NTM: variants seen among roughly 807,000 people sequenced by gnomAD.
NTM encodes the protein neurotrimin.
A neutral mutation model predicts 42.1 loss-of-function variants in NTM; 13 were observed. The observed-to-expected ratio is 0.31, with a 90% CI of 0.20 to 0.49. NTM has a LOEUF of 0.49. Among genes scored for constraint, NTM ranks in the 20% least tolerant of loss-of-function variants. The probability of loss-of-function intolerance (pLI) is 0.99; values close to 1 mark genes in which losing one functional copy is unlikely to be tolerated. For missense variants in NTM, 373 were observed against 452.8 expected (o/e 0.82, Z 1.60); for synonymous variants, 187 against 179.2 (o/e 1.04, Z -0.35).
intron 1 of NTM, among the ~76,000 whole-genome samples, chr11:131,518,043 A>G (rs978212069): frequency 6.6e-6 from 1 of 152,200 alleles, no homozygotes; most frequent in African/African-American, 2.4e-5. Flanking sequence ...AATTGTTTTC[A>G]CACGCATAAC....
At chr11:132,230,952 C>A (rs972344087) in intron 4 of NTM, among the ~76,000 whole-genome samples, 1 of 152,212 alleles carries the variant, frequency 6.6e-6, no homozygotes, top group Non-Finnish European at 1.5e-5. Context: ...GTCGAGGCTG[C>A]AGTGAGCTAT....
intron 2 of NTM, among the ~76,000 whole-genome samples, chr11:132,057,820 C>A (rs1414050014): frequency 5.9e-5 from 9 of 152,164 alleles, no homozygotes; most frequent in African/African-American, 2.2e-4. Context: ...GGGGACTTCT[C>A]TCACTGGCGC....
At chr11:132,314,848 AGAAAGAAATG>A (rs1208492855) in intron 7 of NTM, 145 bp downstream of exon 7, 11 of 1,392,952 alleles carry the variant, frequency 7.9e-6, no homozygotes, top group Middle Eastern at 2.5e-4. Flanking sequence ...AGAGAGACAC[AGAAAGAAATG>A]GAGAGAGAGG....
chr11:131,613,536 G>A (rs539558064), intron 1 of NTM, among the ~76,000 whole-genome samples: 5 of 152,210 alleles, frequency 3.3e-5, no homozygotes, highest in Admixed American at 6.5e-5. Flanking sequence ...TAAGACGGGC[G>A]CTTCTTTCAA....
intron 1 of NTM, among the ~76,000 whole-genome samples, chr11:131,490,195 G>A (rs902377095): frequency 3.9e-5 from 6 of 152,244 alleles, no homozygotes; most frequent in African/African-American, 9.6e-5. Flanking sequence ...CTCCTACCAG[G>A]CCCCACTTCT....
chr11:132,077,903 C>A (rs1361977790), intron 2 of NTM, among the ~76,000 whole-genome samples: 1 of 152,116 alleles, frequency 6.6e-6, no homozygotes, highest in East Asian at 1.9e-4. Flanking sequence ...ACCTATCCAA[C>A]AAAAAACTTT....
chr11:131,541,989 T>C (rs2053328534), intron 1 of NTM, among the ~76,000 whole-genome samples: 1 of 152,206 alleles, frequency 6.6e-6, no homozygotes, highest in Admixed American at 6.5e-5. Flanking sequence ...ATATGTGTAA[T>C]AGAAGTGCAG....
intron 2 of NTM, among the ~76,000 whole-genome samples, chr11:132,036,931 G>A (rs2076577672): frequency 6.6e-6 from 1 of 152,110 alleles, no homozygotes; most frequent in African/African-American, 2.4e-5. Flanking sequence ...GTATCCTGGG[G>A]TCAGCACTGA....
chr11:131,559,373 A>G (rs924371783), intron 1 of NTM, among the ~76,000 whole-genome samples: 1 of 152,240 alleles, frequency 6.6e-6, no homozygotes, highest in African/African-American at 2.4e-5. Context: ...GTTCTCTGGT[A>G]AAGTGATTAA....
chr11:131,520,788 C>T (rs572858315), intron 1 of NTM, among the ~76,000 whole-genome samples: 1 of 152,092 alleles, frequency 6.6e-6, no homozygotes, highest in South Asian at 2.1e-4. Flanking sequence ...ACCTACTCAG[C>T]ATTCTTTTTT....
intron 1 of NTM, among the ~76,000 whole-genome samples, chr11:131,473,422 A>G (rs887399763): frequency 3.9e-5 from 6 of 152,216 alleles, no homozygotes; most frequent in Non-Finnish European, 5.9e-5. Context: ...CGTATTCATC[A>G]GACACAAACT....
At chr11:131,377,450 A>G (rs142132369) in intron 1 of NTM, among the ~76,000 whole-genome samples, 1 of 152,224 alleles carries the variant, frequency 6.6e-6, no homozygotes, top group African/African-American at 2.4e-5. Flanking sequence ...AGGCCAGGGA[A>G]GAATTTGCCT....
chr11:131,656,900 C>T (rs1308963281), intron 1 of NTM, among the ~76,000 whole-genome samples: 3 of 152,076 alleles, frequency 2.0e-5, no homozygotes, highest in East Asian at 1.9e-4. Context: ...GTGGAATCTG[C>T]TCTTTTTAAG....
At chr11:131,664,997 G>A (rs144150821) in intron 1 of NTM, among the ~76,000 whole-genome samples, 21 of 152,224 alleles carry the variant, frequency 1.4e-4, no homozygotes, top group Non-Finnish European at 2.4e-4. Context: ...CAGAACCCGC[G>A]GAACTGCTTC....
intron 1 of NTM, among the ~76,000 whole-genome samples, chr11:131,596,710 T>C (rs2059843173): frequency 6.6e-6 from 1 of 152,212 alleles, no homozygotes; most frequent in African/African-American, 2.4e-5. Flanking sequence ...AGCCCTGTAC[T>C]CCAACAGACA....
intron 1 of NTM, among the ~76,000 whole-genome samples, chr11:131,379,109 A>G (rs1942330662): frequency 6.6e-6 from 1 of 152,230 alleles, no homozygotes; most frequent in African/African-American, 2.4e-5. Flanking sequence ...CTGGCTCCCC[A>G]GAGTGTTCAT....
At chr11:132,103,883 C>T (rs1178658196) in intron 2 of NTM, among the ~76,000 whole-genome samples, 5 of 152,198 alleles carry the variant, frequency 3.3e-5, no homozygotes, top group African/African-American at 1.2e-4. Context: ...TGGGCAAATG[C>T]CTGTCCTCTC....
At chr11:131,793,812 CA>C (rs1219614765) in intron 1 of NTM, among the ~76,000 whole-genome samples, 14 of 152,142 alleles carry the variant, frequency 9.2e-5, no homozygotes, top group Non-Finnish European at 1.6e-4. Context: ...TGGATCTGAG[CA>C]TCAGCATACG....
In NTM at chr11:131,730,163, T is replaced by A. The variant is rs143753870; in HGVS notation, c.83-181401T>A. 2.1e-3 allele frequency among the ~76,000 whole-genome samples: 327 copies of A among 152,348 alleles called. 1 individual carries two copies. The highest frequency in any genetic ancestry group is 7.4e-3 in the African/African-American group (308 of 41,588). ...GTAAAGTGGTATCTCACTGTGAGTT[T>A]GACTTCCATTTCCCTAATGACTAAT... On this transcript the variant is annotated intron_variant, in intron 1 of 8. Transcript: ENST00000683400.
Sources: allele counts gnomAD v4.1 joint callset (sites outside exome capture counted in the v4.1 genomes callset), GRCh38; gene constraint gnomAD v4.1.1; transcripts MANE v1.5; gene names NCBI Gene and HGNC (gene_info 2026-07-23, HGNC 2026-07-21).